Variants in HAVCR2 observed in about 807,000 individuals in gnomAD.
The protein encoded by HAVCR2 is T cell immunoglobulin mucin 3.
A neutral mutation model predicts 24.7 loss-of-function variants in HAVCR2; 13 were observed. That is an observed-to-expected ratio of 0.53 (90% CI 0.34 to 0.84). HAVCR2 has a LOEUF of 0.84. Ranked by LOEUF, HAVCR2 falls within the 40% of genes least tolerant of loss-of-function variation. The pLI, the probability that HAVCR2 is intolerant of heterozygous loss-of-function variation, is 0.01. For missense variants in HAVCR2, 343 were observed against 371.2 expected (o/e 0.92, Z 0.62); for synonymous variants, 154 against 143.4 (o/e 1.07, Z -0.53).
intron 3 of HAVCR2, among the ~76,000 whole-genome samples, chr5:157,103,388 AAAG>A (rs1338271037): frequency 7.9e-6 from 1 of 126,154 alleles, no homozygotes; most frequent in Non-Finnish European, 1.7e-5. Flanking sequence ...AAAAAAAAAA[AAAG>A]TACTGAAGCA....
intron 5 of HAVCR2, among the ~76,000 whole-genome samples, chr5:157,090,519 G>A (rs567182250): frequency 4.6e-5 from 7 of 152,104 alleles, no homozygotes; most frequent in East Asian, 1.9e-4. Context: ...GCTTGAACTC[G>A]GGAGGTAGAG....
intron 5 of HAVCR2, among the ~76,000 whole-genome samples, chr5:157,089,877 T>C (rs113712746): frequency 2.3e-4 from 35 of 152,026 alleles, no homozygotes; most frequent in African/African-American, 8.2e-4. Flanking sequence ...TAATCAGGAG[T>C]CTGGATTTTA....
intron 6 of HAVCR2, 53 bp from the exon 7 acceptor site, chr5:157,087,347 AT>A: frequency 1.3e-6 from 2 of 1,497,842 alleles, no homozygotes; most frequent in Non-Finnish European, 1.8e-6. Context: ...GTAACACGGA[AT>A]AGAGTTAAGA....
intron 2 of HAVCR2, chr5:157,106,344 C>T (rs1757251652): frequency 2.7e-6 from 1 of 371,094 alleles, no homozygotes; most frequent in East Asian, 5.3e-5. Context: ...GTTGGCCAGG[C>T]TGGTCTCGAA....
chr5:157,092,975 C>T (rs1473423193), intron 5 of HAVCR2, among the ~76,000 whole-genome samples: 1 of 135,758 alleles, frequency 7.4e-6, no homozygotes, highest in Non-Finnish European at 1.5e-5. Context: ...GGCTGAGGCA[C>T]AAGAATTGCT....
At chr5:157,091,402 C>T (rs1431235869) in intron 5 of HAVCR2, among the ~76,000 whole-genome samples, 1 of 150,760 alleles carries the variant, frequency 6.6e-6, no homozygotes, top group Non-Finnish European at 1.5e-5. Context: ...GCCAAGATTG[C>T]ACCATTGCAC....
intron 5 of HAVCR2, among the ~76,000 whole-genome samples, chr5:157,089,898 T>C (rs1489492693): frequency 6.6e-6 from 1 of 152,156 alleles, no homozygotes; most frequent in Non-Finnish European, 1.5e-5. Context: ...TTCTAAGACC[T>C]GTAGGAAACC....
rs556443053 is a variant in HAVCR2, at chr5:157,092,878, C to CAAAAAAAAAAAAAAAAAAAA, written c.676+2408_676+2427dup. Among the ~76,000 whole-genome samples, 39 of 44,044 alleles carry CAAAAAAAAAAAAAAAAAAAA rather than the reference C, an allele frequency of 8.9e-4. 7 individuals carry two copies. The highest frequency in any genetic ancestry group is 1.2e-3 in the Non-Finnish European group (27 of 21,714). The allele number at this position is 44,044 out of a possible 152,430, so 28.9% of individuals were successfully genotyped here. Reference sequence around the variant, plus strand: ...CAACATGGCAAAACCCTGTCTCTACCAAAAAAAAAAAAAAAAAAAAAAAAA... The same window carrying CAAAAAAAAAAAAAAAAAAAA: ...CAACATGGCAAAACCCTGTCTCTACCAAAAAAAAAAAAAAAAAAAAAAAAAAAAAAAAAAAAAAAAAAAAA... On this transcript the variant is annotated intron_variant, in intron 5 of 6. Transcript: ENST00000307851.
chr5:157,092,648 G>C (rs7705706), intron 5 of HAVCR2, among the ~76,000 whole-genome samples: 2 of 151,328 alleles, frequency 1.3e-5, no homozygotes, highest in African/African-American at 4.9e-5. Flanking sequence ...GTTTCTCCAC[G>C]TTGGTCAGGC....
intron 3 of HAVCR2, among the ~76,000 whole-genome samples, chr5:157,099,306 G>A (rs1219321577): frequency 1.3e-5 from 2 of 152,084 alleles, no homozygotes; most frequent in African/African-American, 4.8e-5. Flanking sequence ...ACCCAGGCTG[G>A]AGTGCAGTGG....
rs1332070414 is a variant in HAVCR2 at position 157,095,408 on chromosome 5, A to C, written c.574T>G (p.Leu192Val). 6.2e-7 allele frequency: 1 copy of C among 1,614,154 alleles called. No homozygotes were observed. Among genetic ancestry groups the C allele is most frequent in the Admixed American group, 1.7e-5 (1 of 60,018 alleles). ...CTGATGGTTGCTCCAGAGTCCCGTA[A>C]GTCATTGGCCAATCTAGAGTCCCGT... The part of the protein sequence containing the change: ...ELRDSRLAND[L>V]RDSGATIRIG... The change falls in exon 5 of 7, where the codon TTA becomes GTA. Residue 192 changes from leucine (L) to valine (V), a missense_variant. Coordinates refer to ENST00000307851, the MANE Select transcript of HAVCR2 (RefSeq NM_032782.5).
Position 157,108,956 on chromosome 5 carries a change from C to T in HAVCR2, c.28G>A (p.Val10Ile). 6.2e-7 allele frequency: 1 copy of T among 1,614,154 alleles called. No individual in the cohort carries two copies. Among genetic ancestry groups the T allele is most frequent in the South Asian group, 1.1e-5 (1 of 91,074 alleles). The change falls in exon 1 of 7, where the codon GTC becomes ATC. Residue 10 changes from valine to isoleucine, a missense_variant. Coordinates refer to ENST00000307851, the MANE Select transcript of HAVCR2 (RefSeq NM_032782.5). ...AGTAGTAGCAGCAGCAGCAGCAGGA[C>T]ACAGTCAAAGGGAAGATGTGAAAAC... MFSHLPFDC[V>I]LLLLLLLLTR...
In HAVCR2 at chr5:157,087,218, T is replaced by C. The variant is rs780414902; in HGVS notation, c.790A>G (p.Ile264Val). The part of the protein sequence containing the change: ...VAEGIRSEEN[I>V]YTIEENVYEV... ...TATACGTTCTCTTCAATGGTATAGA[T>C]GTTTTCTTCTGAGCGAATTCCCTCT... is the stretch of plus-strand genomic sequence containing the variant. Residue 264 changes from isoleucine to valine, a missense_variant, in exon 7 of 7, where the codon ATC (isoleucine) becomes GTC (valine). Transcript: ENST00000307851. 5.6e-6 allele frequency: 9 copies of C among 1,613,878 alleles called. No individual in the cohort carries two copies. The East Asian group carries it at 1.6e-4, about 28-fold the overall frequency.
chr5:157,090,331 C>T (rs1001515159), intron 5 of HAVCR2, among the ~76,000 whole-genome samples: 1 of 151,770 alleles, frequency 6.6e-6, no homozygotes, highest in African/African-American at 2.4e-5. Context: ...TGCAGTGGCT[C>T]ACGCCTGTAA....
At chr5:157,098,108 C>A (rs1172106085) in intron 4 of HAVCR2, among the ~76,000 whole-genome samples, 2 of 151,722 alleles carry the variant, frequency 1.3e-5, no homozygotes, top group Non-Finnish European at 2.9e-5. Flanking sequence ...CCTGTCTCTA[C>A]TAAAAATACA....
chr5:157,108,060 TA>T (rs201812806), intron 1 of HAVCR2, among the ~76,000 whole-genome samples: 8 of 150,634 alleles, frequency 5.3e-5, no homozygotes, highest in South Asian at 2.1e-4. Flanking sequence ...TTAATTCCAT[TA>T]AAAAAAAACT....
At position 157,108,974 on chromosome 5, in the gene HAVCR2, G is replaced by A; in HGVS notation, c.10C>T (p.His4Tyr). The part of the protein sequence containing the change: MFS[H>Y]LPFDCVLLLL... The stretch of plus-strand genomic sequence containing the variant: ...AGCAGGACACAGTCAAAGGGAAGAT[G>A]TGAAAACATGGAGCTTGCAGAAGAA... The change falls in exon 1 of 7, where the codon CAT becomes TAT. Residue 4 changes from histidine to tyrosine, a missense_variant. His to Tyr is a moderately conservative substitution (Grantham distance 83). Transcript: ENST00000307851. 3 of 1,614,172 alleles carry A rather than the reference G, an allele frequency of 1.9e-6. No individual in the cohort carries two copies. The highest frequency in any genetic ancestry group is 2.5e-6 in the Non-Finnish European group (3 of 1,179,988).
chr5:157,106,055 CA>C (rs1757243094), intron 2 of HAVCR2: 1 of 152,574 alleles, frequency 6.6e-6, no homozygotes, highest in African/African-American at 2.4e-5. Context: ...TAATGAGAGT[CA>C]GGGTCTCTAA....
chr5:157,103,244 G>A (rs911395766), intron 3 of HAVCR2, among the ~76,000 whole-genome samples: 1 of 151,976 alleles, frequency 6.6e-6, no homozygotes, highest in African/African-American at 2.4e-5. Flanking sequence ...GATGGTGGGC[G>A]CCTGTAGTCC....
Sources: gnomAD v4.1 joint callset for allele counts (sites outside exome capture counted in the v4.1 genomes callset) on GRCh38, gnomAD v4.1.1 for gene constraint, MANE v1.5 for transcripts, NCBI Gene and HGNC (gene_info 2026-07-23, HGNC 2026-07-21) for gene names.